Variants in PCDHGA3 observed in about 807,000 individuals in gnomAD.
The protein encoded by PCDHGA3 is protocadherin gamma-A3.
In PCDHGA3, 40 loss-of-function variants were observed where a neutral mutation model predicts 58.5. The observed-to-expected ratio is 0.68, with a 90% CI of 0.53 to 0.89. The LOEUF (loss-of-function observed/expected upper bound fraction) is 0.89, where lower values mean the gene tolerates loss of function less well. PCDHGA3 is among the 40% of genes least tolerant of loss of function. The pLI is 0.00. For synonymous variants in PCDHGA3, 530 were observed against 525.7 expected (o/e 1.01, Z -0.11); for missense variants, 1,223 against 1,195.9 (o/e 1.02, Z -0.33).
In PCDHGA3 at chr5:141,403,920, A is replaced by T. The variant is rs1470961343; in HGVS notation, c.2424+57463A>T. 8.1e-6 allele frequency: 13 copies of T among 1,613,904 alleles called. No homozygotes were observed. Among genetic ancestry groups the T allele is most frequent in the Non-Finnish European group, 1.1e-5 (13 of 1,179,882 alleles). On this transcript the variant is annotated intron_variant, in intron 1 of 3. Transcript: ENST00000253812. ...TATGAAATGGAAATACAAGCTGAAG[A>T]TGGTGGGGGATTGAAAGGGTGGACA...
intron 1 of PCDHGA3, chr5:141,419,502 T>C: frequency 6.2e-7 from 1 of 1,612,388 alleles, no homozygotes; most frequent in Admixed American, 1.7e-5. Context: ...AATGTGAGCC[T>C]GCGCGTGTTG....
chr5:141,348,499 A>G (rs187929904), intron 1 of PCDHGA3, among the ~76,000 whole-genome samples: 1 of 152,220 alleles, frequency 6.6e-6, no homozygotes, highest in Admixed American at 6.5e-5. Flanking sequence ...AAAAAAATTA[A>G]TTAGCTGTGT....
chr5:141,395,182 C>A (rs143509166), intron 1 of PCDHGA3: 1 of 1,614,114 alleles, frequency 6.2e-7, no homozygotes, highest in South Asian at 1.1e-5. Context: ...AAAAATGATT[C>A]TTTGTTAACA....
intron 1 of PCDHGA3, among the ~76,000 whole-genome samples, chr5:141,353,538 A>G (rs781518316): frequency 2.3e-4 from 35 of 152,310 alleles, no homozygotes; most frequent in Non-Finnish European, 4.0e-4. Context: ...TTGCATCACT[A>G]ACTTTGAGTC....
rs111842066 is a variant in PCDHGA3, at chr5:141,486,269, G to A, written c.2425-8538G>A. 6.2e-7 allele frequency: 1 copy of A among 1,613,996 alleles called. No homozygotes were observed. Reference sequence around the variant, plus strand: ...AACCCTCCCCGAGAGTGCAGAACCTGGCACTGTGGTGGCACTTATCAGTGT... The same window carrying A: ...AACCCTCCCCGAGAGTGCAGAACCTAGCACTGTGGTGGCACTTATCAGTGT... On this transcript the variant is annotated intron_variant, in intron 1 of 3. Transcript: ENST00000253812. This position sits in a 1 kb window ranked among gnomAD's most constrained non-coding sequence, Gnocchi z 5.0.
chr5:141,504,583 A>C (rs1230825472), intron 2 of PCDHGA3, among the ~76,000 whole-genome samples: 5 of 146,622 alleles, frequency 3.4e-5, no homozygotes, highest in Non-Finnish European at 7.4e-5. Context: ...CCATCTGCCC[A>C]GGATTCACAG....
At chr5:141,398,675 A>C (rs1462726875) in intron 1 of PCDHGA3, 1 of 1,613,974 alleles carries the variant, frequency 6.2e-7, no homozygotes, top group Non-Finnish European at 8.5e-7. Flanking sequence ...TTAATAATTA[A>C]GGAGAAACAG....
At chr5:141,399,971 T>C in intron 1 of PCDHGA3, 1 of 1,612,208 alleles carries the variant, frequency 6.2e-7, no homozygotes, top group Non-Finnish European at 8.5e-7. Flanking sequence ...CTCTTCAGCC[T>C]GGGGCTGCGC....
intron 1 of PCDHGA3, among the ~76,000 whole-genome samples, chr5:141,468,914 G>A (rs563780068): frequency 2.6e-5 from 4 of 151,700 alleles, no homozygotes; most frequent in Admixed American, 2.6e-4. Context: ...CAGACTAGAA[G>A]AGAATAGCAC....
intron 1 of PCDHGA3, among the ~76,000 whole-genome samples, chr5:141,380,091 G>T (rs538586012): frequency 6.6e-6 from 1 of 151,576 alleles, no homozygotes; most frequent in African/African-American, 2.4e-5. Flanking sequence ...GTAGAGATGG[G>T]GTTTTACCAT....
intron 1 of PCDHGA3, chr5:141,423,244 C>T: frequency 1.2e-6 from 2 of 1,613,984 alleles, no homozygotes; most frequent in Non-Finnish European, 1.7e-6. Context: ...CCCCGAAGTC[C>T]TGGCGGACCT....
chr5:141,427,822 T>C (rs1446832816), intron 1 of PCDHGA3: 1 of 1,534,220 alleles, frequency 6.5e-7, no homozygotes, highest in Non-Finnish European at 8.9e-7. Flanking sequence ...GGGGTGGTGG[T>C]CGCGCAGCGT....
rs768383792 is a variant in PCDHGA3 at position 141,476,155 on chromosome 5, C to A, written c.2425-18652C>A. 1.2e-6 allele frequency: 2 copies of A among 1,612,382 alleles called. No homozygotes were observed. Among genetic ancestry groups the A allele is most frequent in the Non-Finnish European group, 1.7e-6 (2 of 1,179,764 alleles). On this transcript the variant is annotated intron_variant, in intron 1 of 3. Coordinates refer to ENST00000253812, the MANE Select transcript of PCDHGA3 (RefSeq NM_018916.4). This position sits in a 1 kb window ranked among gnomAD's most constrained non-coding sequence, Gnocchi z 7.6. ...CCTGGAGGAGCGGACTGGTAAGCAC[C>A]GGGAGGGTAGTGGGAGTTTTGCTTC... is the stretch of plus-strand genomic sequence containing the variant.
chr5:141,376,025 G>C, intron 1 of PCDHGA3: 1 of 1,613,266 alleles, frequency 6.2e-7, no homozygotes, highest in Non-Finnish European at 8.5e-7. Context: ...GGCCGTCCAG[G>C]ACCACGGCCA....
chr5:141,428,188 G>A (rs1023078587), intron 1 of PCDHGA3: 3 of 1,433,350 alleles, frequency 2.1e-6, no homozygotes, highest in Admixed American at 1.8e-5. Flanking sequence ...GACAGCCGCC[G>A]CTCTCTGCGC....
At chr5:141,375,093 T>A (rs1394979484) in intron 1 of PCDHGA3, 1 of 1,613,962 alleles carries the variant, frequency 6.2e-7, no homozygotes, top group South Asian at 1.1e-5. Context: ...TTAATAACTA[T>A]CTTGGATGTC....
At chr5:141,450,770 AG>A (rs1354382498) in intron 1 of PCDHGA3, among the ~76,000 whole-genome samples, 1 of 151,448 alleles carries the variant, frequency 6.6e-6, no homozygotes, top group Non-Finnish European at 1.5e-5. Context: ...TACAGGCATG[AG>A]CCACCGTGCC....
intron 1 of PCDHGA3, chr5:141,366,634 G>C (rs1349897930): frequency 1.9e-6 from 3 of 1,614,220 alleles, no homozygotes; most frequent in Middle Eastern, 1.6e-4. Context: ...AGAGTCACCT[G>C]ATCTTTCCCC....
chr5:141,486,706 C>T lies in PCDHGA3; in HGVS notation c.2425-8101C>T. 1.2e-6 allele frequency: 2 copies of T among 1,614,154 alleles called. No homozygotes were observed. Among genetic ancestry groups the T allele is most frequent in the Admixed American group, 1.7e-5 (1 of 60,020 alleles). On this transcript the variant is annotated intron_variant, in intron 1 of 3. Transcript: ENST00000253812. This position sits in a 1 kb window ranked among gnomAD's most constrained non-coding sequence, Gnocchi z 5.0. ...CAGCTTCCTCTTTCATCTCTCTGAACCCCCAGACAGGAGCTGTTCATGCTA... is the reference window on the plus strand; with the variant it reads ...CAGCTTCCTCTTTCATCTCTCTGAATCCCCAGACAGGAGCTGTTCATGCTA...
Sources: gnomAD v4.1 joint callset for allele counts (sites outside exome capture counted in the v4.1 genomes callset) on GRCh38, gnomAD v4.1.1 for gene constraint, Gnocchi (gnomAD v3.1) non-coding constraint, MANE v1.5 for transcripts, NCBI Gene and HGNC (gene_info 2026-07-23, HGNC 2026-07-21) for gene names.